NALF1: variants seen among roughly 807,000 people sequenced by gnomAD.
NALF1 encodes NALCN channel auxiliary factor 1.
A neutral mutation model predicts 48.4 loss-of-function variants in NALF1; 3 were observed. That is an observed-to-expected ratio of 0.06 (90% confidence interval 0.03 to 0.16). The LOEUF is 0.16. Among genes scored for constraint, NALF1 ranks in the 10% least tolerant of loss-of-function variants. The pLI is 1.00. For missense variants in NALF1, 526 were observed against 571.5 expected (o/e 0.92, Z 0.81); for synonymous variants, 262 against 245.7 (o/e 1.07, Z -0.62).
At chr13:107,638,922 G>C (rs1294726780) in intron 1 of NALF1, among the ~76,000 whole-genome samples, 1 of 152,130 alleles carries the variant, frequency 6.6e-6, no homozygotes, top group South Asian at 2.1e-4. Context: ...ATCTCGCAAA[G>C]ATGGAAGAAT....
At chr13:107,555,816 T>C (rs1480924856) in intron 1 of NALF1, among the ~76,000 whole-genome samples, 3 of 152,198 alleles carry the variant, frequency 2.0e-5, no homozygotes, top group Admixed American at 1.3e-4. Flanking sequence ...AATATGCTTA[T>C]TGGAAAATTT....
intron 1 of NALF1, among the ~76,000 whole-genome samples, chr13:107,856,205 A>G (rs543286590): frequency 6.6e-6 from 1 of 152,308 alleles, no homozygotes; most frequent in Admixed American, 6.5e-5. Flanking sequence ...CTGCACCTGG[A>G]CAAGAGAAAG....
chr13:107,305,553 C>A (rs544536110), intron 1 of NALF1, among the ~76,000 whole-genome samples: 2 of 152,288 alleles, frequency 1.3e-5, no homozygotes, highest in Non-Finnish European at 2.9e-5. Context: ...TGCTTGTAAT[C>A]CATGAAATTC....
chr13:107,443,226 G>A (rs1245361021), intron 1 of NALF1, among the ~76,000 whole-genome samples: 1 of 150,060 alleles, frequency 6.7e-6, no homozygotes, highest in Non-Finnish European at 1.5e-5. Flanking sequence ...CTATCGATAT[G>A]TAAGTTTGAG....
intron 1 of NALF1, among the ~76,000 whole-genome samples, chr13:107,567,651 G>C (rs941559562): frequency 6.6e-6 from 1 of 152,176 alleles, no homozygotes; most frequent in Non-Finnish European, 1.5e-5. Flanking sequence ...CTGTACTTGT[G>C]GTTGAATGGG....
rs555330626 is a variant in NALF1 at position 107,178,681 on chromosome 13, C to T, written c.1088-7895G>A. Among the ~76,000 whole-genome samples, 6 of 152,236 alleles carry T rather than the reference C, an allele frequency of 3.9e-5. No individual in the cohort carries two copies. The East Asian group carries it at 7.8e-4, about 20-fold the overall frequency. ...AAAATAGGCCAGGCACGGTGGCTCA[C>T]GCACCTAATCCCAGCACTTTGGCAG... On this transcript the variant is annotated intron_variant, in intron 2 of 2. Transcript: ENST00000375915.
At chr13:107,805,144 T>G (rs984547945) in intron 1 of NALF1, among the ~76,000 whole-genome samples, 1 of 152,182 alleles carries the variant, frequency 6.6e-6, no homozygotes, top group African/African-American at 2.4e-5. Flanking sequence ...TTTACAGAAG[T>G]GTAATTATCC....
chr13:107,613,617 T>G (rs1008250523), intron 1 of NALF1, among the ~76,000 whole-genome samples: 1 of 152,214 alleles, frequency 6.6e-6, no homozygotes, highest in East Asian at 1.9e-4. Flanking sequence ...CCTGACTCCA[T>G]CCAGCCACAT....
chr13:107,281,670 C>G (rs1340622551), intron 1 of NALF1, among the ~76,000 whole-genome samples: 1 of 152,114 alleles, frequency 6.6e-6, no homozygotes, highest in African/African-American at 2.4e-5. Flanking sequence ...TTTCACACTG[C>G]TATAAAGAAC....
intron 1 of NALF1, among the ~76,000 whole-genome samples, chr13:107,838,060 G>T (rs2138632797): frequency 6.6e-6 from 1 of 152,320 alleles, no homozygotes; most frequent in East Asian, 1.9e-4. Context: ...ACTTCCAAAT[G>T]CTGGAAGCAC....
At chr13:107,506,252 ATTAAT>A (rs775347893) in intron 1 of NALF1, among the ~76,000 whole-genome samples, 1 of 152,154 alleles carries the variant, frequency 6.6e-6, no homozygotes. Context: ...TTTAAGTAGT[ATTAAT>A]TTAAGAAAAT....
chr13:107,208,472 A>G (rs1879689349), intron 2 of NALF1, among the ~76,000 whole-genome samples: 2 of 152,240 alleles, frequency 1.3e-5, no homozygotes, highest in South Asian at 4.1e-4. Flanking sequence ...GTGGGTGAAC[A>G]TTCAAACATA....
intron 1 of NALF1, among the ~76,000 whole-genome samples, chr13:107,424,897 TG>T (rs1469693604): frequency 6.6e-6 from 1 of 152,218 alleles, no homozygotes; most frequent in Non-Finnish European, 1.5e-5. Context: ...AAACTTTACT[TG>T]GTATACTTGT....
intron 1 of NALF1, among the ~76,000 whole-genome samples, chr13:107,331,957 C>T (rs1201874230): frequency 6.6e-6 from 1 of 152,094 alleles, no homozygotes; most frequent in East Asian, 1.9e-4. Flanking sequence ...AAAATTCACT[C>T]AGCATCCTAT....
intron 1 of NALF1, among the ~76,000 whole-genome samples, chr13:107,552,279 A>C (rs1211840275): frequency 1.3e-5 from 2 of 152,206 alleles, no homozygotes; most frequent in African/African-American, 4.8e-5. Flanking sequence ...ACAGTCAACA[A>C]ATGTTTCCTG....
intron 1 of NALF1, among the ~76,000 whole-genome samples, chr13:107,846,071 T>C (rs1384573257): frequency 6.6e-6 from 1 of 152,172 alleles, no homozygotes; most frequent in Non-Finnish European, 1.5e-5. Flanking sequence ...CATTTTGCCC[T>C]TATCCCCTGG....
chr13:107,467,999 GATCGC>G (rs1450011173), intron 1 of NALF1, among the ~76,000 whole-genome samples: 3 of 148,210 alleles, frequency 2.0e-5, no homozygotes, highest in Non-Finnish European at 4.4e-5. Context: ...AGTGAACTGA[GATCGC>G]GCCACTGCCC....
chr13:107,194,056 C>CTATA (rs994641593), intron 2 of NALF1, among the ~76,000 whole-genome samples: 1,244 of 83,456 alleles, frequency 0.015, 15 homozygotes, highest in East Asian at 0.039. Flanking sequence ...ATCTATCTAT[C>CTATA]TATATATCAA....
At chr13:107,588,726 T>C (rs778573501) in intron 1 of NALF1, among the ~76,000 whole-genome samples, 8 of 152,098 alleles carry the variant, frequency 5.3e-5, no homozygotes, top group Non-Finnish European at 2.9e-5. Flanking sequence ...TTTTTATTTT[T>C]TCTAAATAGG....
Sources: gnomAD v4.1 joint callset for allele counts (sites outside exome capture counted in the v4.1 genomes callset) on GRCh38, gnomAD v4.1.1 for gene constraint, MANE v1.5 for transcripts, NCBI Gene and HGNC (gene_info 2026-07-23, HGNC 2026-07-21) for gene names.